Variants in WASHC5 observed in about 807,000 individuals in gnomAD.
WASHC5 encodes the protein WASH complex subunit strumpellin.
WASHC5 carries 101 observed loss-of-function variants against 150.4 expected under a neutral mutation model. The ratio of observed to expected loss-of-function variants is 0.67; its 90% CI spans 0.57 to 0.79. WASHC5 has a LOEUF of 0.79. Ranked by LOEUF, WASHC5 falls within the 30% of genes least tolerant of loss-of-function variation. WASHC5 has a pLI of 0.00. For missense variants in WASHC5, 1,195 were observed against 1,396.3 expected, an observed-to-expected ratio of 0.86 and a Z score of 2.30; for synonymous variants, 467 against 491.2, an observed-to-expected ratio of 0.95 and a Z score of 0.65.
Position 125,059,531 on chromosome 8 carries a change from G to A in WASHC5, c.1533C>T (p.Phe511=), listed in dbSNP as rs1381420185. ...LIQALEEVQE[F]HQLESNLQVC... The stretch of plus-strand genomic sequence containing the variant: ...CTTGCAGATTGGATTCCAACTGGTG[G>A]AATTCTTGAACCTGTGTTACAGAAA... Residue 511 remains phenylalanine, a synonymous_variant, in exon 13 of 29, where the codon TTC becomes TTT. Transcript: ENST00000318410. 1 of 1,613,230 alleles carries A rather than the reference G, an allele frequency of 6.2e-7. No individual in the cohort carries two copies. Among genetic ancestry groups the A allele is most frequent in the Non-Finnish European group, 8.5e-7 (1 of 1,179,554 alleles).
At chr8:125,053,091 C>T (rs967050613) in intron 17 of WASHC5, among the ~76,000 whole-genome samples, 9 of 148,756 alleles carry the variant, frequency 6.1e-5, no homozygotes, top group South Asian at 2.2e-4. Flanking sequence ...AAGTTTGAGA[C>T]GACCTGTATT....
intron 14 of WASHC5, among the ~76,000 whole-genome samples, chr8:125,058,566 G>A (rs1447942228): frequency 2.0e-5 from 3 of 152,052 alleles, no homozygotes; most frequent in African/African-American, 7.2e-5. Context: ...GGTCAACATG[G>A]TGAAACCCCA....
At chr8:125,035,256 A>C (rs1301259377) in intron 26 of WASHC5, among the ~76,000 whole-genome samples, 2 of 152,210 alleles carry the variant, frequency 1.3e-5, no homozygotes, top group Admixed American at 6.5e-5. Flanking sequence ...GTTATGTTTT[A>C]AGATCTGGGA....
rs556925927 is a variant in WASHC5 at position 125,080,010 on chromosome 8, G to A, written c.519-1080C>T. Among the ~76,000 whole-genome samples, 5 of 152,240 alleles carry A rather than the reference G, an allele frequency of 3.3e-5. No individual in the cohort carries two copies. The East Asian group carries it at 9.6e-4, about 29-fold the overall frequency. On this transcript the variant is annotated intron_variant, in intron 5 of 28. Coordinates refer to ENST00000318410, the MANE Select transcript of WASHC5 (RefSeq NM_014846.4). ...ATATATCTAACTTTTTTCTTGGCAA[G>A]CTGTTCCTTCTACAGAGATCTAATA...
At chr8:125,068,146 C>T (rs753634292) in intron 9 of WASHC5, among the ~76,000 whole-genome samples, 1 of 152,182 alleles carries the variant, frequency 6.6e-6, no homozygotes, top group African/African-American at 2.4e-5. Context: ...ACTGCTATCC[C>T]TAGAGAGGCC....
At chr8:125,036,473 C>G (rs1241205186) in intron 26 of WASHC5, among the ~76,000 whole-genome samples, 1 of 152,068 alleles carries the variant, frequency 6.6e-6, no homozygotes, top group Non-Finnish European at 1.5e-5. Flanking sequence ...GAGTTTGAAA[C>G]CAGTCTCGGC....
At chr8:125,078,274 C>T (rs567387749) in intron 6 of WASHC5, among the ~76,000 whole-genome samples, 1 of 152,264 alleles carries the variant, frequency 6.6e-6, no homozygotes, top group Admixed American at 6.5e-5. Flanking sequence ...CTTTTGTCAC[C>T]TGTTGTGACC....
intron 28 of WASHC5, among the ~76,000 whole-genome samples, chr8:125,027,773 G>A (rs7007276): frequency 0.13 from 20,222 of 152,090 alleles, 2,990 homozygotes; most frequent in African/African-American, 0.37. Flanking sequence ...TGGAAAAATA[G>A]AATAAAAAAG....
At position 125,085,660 on chromosome 8, in the gene WASHC5, C is replaced by A. The variant is rs73704525; in HGVS notation, c.-124-1638G>T. Among the ~76,000 whole-genome samples the A allele has an allele frequency of 2.4e-3, 366 of 152,324 alleles. 2 individuals are homozygous for A. Among genetic ancestry groups the A allele is most frequent in the African/African-American group, 8.5e-3 (352 of 41,576 alleles). On this transcript the variant is annotated intron_variant, in intron 1 of 28. Coordinates refer to ENST00000318410, the MANE Select transcript of WASHC5 (RefSeq NM_014846.4). ...CTAAGCATCTTCTGTAACACAGAGACTCTCGATAAAACTGCTTCCTGACCC... is the reference window on the plus strand; with the variant it reads ...CTAAGCATCTTCTGTAACACAGAGAATCTCGATAAAACTGCTTCCTGACCC...
chr8:125,060,821 A>G (rs1397416163), intron 12 of WASHC5, among the ~76,000 whole-genome samples: 1 of 152,032 alleles, frequency 6.6e-6, no homozygotes, highest in Non-Finnish European at 1.5e-5. Flanking sequence ...CAATGTTTCT[A>G]TATTATTTTT....
intron 27 of WASHC5, among the ~76,000 whole-genome samples, chr8:125,030,172 A>T (rs976486142): frequency 7.9e-5 from 12 of 152,140 alleles, no homozygotes; most frequent in Admixed American, 2.0e-4. Context: ...ACAGCTAGGG[A>T]GCTACAATTG....
intron 24 of WASHC5, among the ~76,000 whole-genome samples, chr8:125,039,190 A>G (rs1407154712): frequency 6.6e-6 from 1 of 152,166 alleles, no homozygotes; most frequent in Non-Finnish European, 1.5e-5. Flanking sequence ...TCACCATTCA[A>G]ATTTTCATGT....
At chr8:125,085,751 G>C (rs1011647102) in intron 1 of WASHC5, among the ~76,000 whole-genome samples, 1 of 152,180 alleles carries the variant, frequency 6.6e-6, no homozygotes, top group African/African-American at 2.4e-5. Context: ...GCAGATGGTA[G>C]AAGGCGAAGG....
intron 15 of WASHC5, among the ~76,000 whole-genome samples, 199 bp from the exon 16 acceptor site, chr8:125,057,016 A>G (rs550673103): frequency 5.3e-5 from 8 of 152,324 alleles, no homozygotes; most frequent in Middle Eastern, 3.4e-3. Context: ...AATCCTTCTA[A>G]AAATGCTGCA....
rs140999394 is a variant in WASHC5 at position 125,079,821 on chromosome 8, G to A, written c.519-891C>T. On this transcript the variant is annotated intron_variant, in intron 5 of 28. Coordinates refer to ENST00000318410, the MANE Select transcript of WASHC5 (RefSeq NM_014846.4). Reference sequence around the variant, plus strand: ...ATTTCAGCTTACATCAGGTTTTGCTGCCAAATGAATTACTATGTATATGTA... The same window carrying A: ...ATTTCAGCTTACATCAGGTTTTGCTACCAAATGAATTACTATGTATATGTA... 6.8e-3 allele frequency among the ~76,000 whole-genome samples: 1,038 copies of A among 152,246 alleles called. 44 individuals carry two copies. Among genetic ancestry groups the A allele is most frequent in the Admixed American group, 0.063 (965 of 15,286 alleles).
At chr8:125,030,252 C>G (rs555856601) in intron 27 of WASHC5, among the ~76,000 whole-genome samples, 2 of 152,340 alleles carry the variant, frequency 1.3e-5, no homozygotes, top group African/African-American at 4.8e-5. Flanking sequence ...CCTTCCCCTC[C>G]TCTCTGGGAG....
chr8:125,050,542 G>A, intron 18 of WASHC5, 22 bp downstream of exon 18: 1 of 1,558,904 alleles, frequency 6.4e-7, no homozygotes, highest in African/African-American at 1.4e-5. Flanking sequence ...AAGAGGACAG[G>A]CCCACTCTGG....
intron 6 of WASHC5, among the ~76,000 whole-genome samples, chr8:125,077,749 A>T (rs1398592565): frequency 6.6e-6 from 1 of 152,200 alleles, no homozygotes; most frequent in Admixed American, 6.5e-5. Flanking sequence ...GGATAATGCC[A>T]TCTACTTTAC....
chr8:125,076,918 G>A (rs1817080967), intron 6 of WASHC5, among the ~76,000 whole-genome samples: 1 of 151,964 alleles, frequency 6.6e-6, no homozygotes, highest in Admixed American at 6.6e-5. Context: ...CATCCCAGTG[G>A]AATTCCCTAC....
Sources: gnomAD v4.1 joint callset for allele counts (sites outside exome capture counted in the v4.1 genomes callset) on GRCh38, gnomAD v4.1.1 for gene constraint, MANE v1.5 for transcripts, NCBI Gene and HGNC (gene_info 2026-07-23, HGNC 2026-07-21) for gene names.